The following ARHGAP8 variants were observed in gnomAD, a reference collection of about 807,000 sequenced individuals.
The protein encoded by ARHGAP8 is Rho GTPase activating protein 8, also known as rho GTPase-activating protein 8.
A neutral mutation model predicts 46.1 loss-of-function variants in ARHGAP8; 62 were observed. That is an observed-to-expected ratio of 1.34 (90% confidence interval 1.10 to 1.66). The LOEUF (loss-of-function observed/expected upper bound fraction) is 1.66, where lower values mean the gene tolerates loss of function less well. Among genes scored for constraint, ARHGAP8 ranks in the 40% most tolerant of loss-of-function variants. The probability of loss-of-function intolerance (pLI) is 0.00; values close to 1 mark genes in which losing one functional copy is unlikely to be tolerated. For synonymous variants in ARHGAP8, 375 were observed against 243.1 expected (o/e 1.54, Z -5.05); for missense variants, 923 against 568.4 (o/e 1.62, Z -6.34).
At chr22:44,788,057 A>G (rs1284986436) in intron 2 of ARHGAP8, among the ~76,000 whole-genome samples, 4 of 149,160 alleles carry the variant, frequency 2.7e-5, no homozygotes, top group Non-Finnish European at 5.9e-5. Flanking sequence ...CAGGAAATAT[A>G]TATTTTTAAT....
At position 44,791,281 on chromosome 22, in the gene ARHGAP8, G is replaced by C. The variant is rs530336770; in HGVS notation, c.79+4675G>C. Among the ~76,000 whole-genome samples, 3 of 152,292 alleles carry C rather than the reference G, an allele frequency of 2.0e-5. No individual in the cohort carries two copies. The South Asian group carries it at 6.2e-4, about 32-fold the overall frequency. On this transcript the variant is annotated intron_variant, in intron 2 of 11. Transcript: ENST00000356099. ...TGTGTGCTCCTCCCGGGGAGTATAT[G>C]AAGTTGTCAGAGTCGACACTTGAGC...
chr22:44,759,893 A>G (rs1381769422), intron 1 of ARHGAP8, among the ~76,000 whole-genome samples: 4 of 152,196 alleles, frequency 2.6e-5, no homozygotes, highest in Non-Finnish European at 4.4e-5. Flanking sequence ...GCGCACCCGA[A>G]TGATCACCTG....
intron 6 of ARHGAP8, 41 bp from the exon 7 acceptor site, chr22:44,825,442 G>C (rs1336564922): frequency 6.3e-7 from 1 of 1,582,334 alleles, no homozygotes; most frequent in Admixed American, 1.8e-5. Flanking sequence ...GCTGCCAGCT[G>C]CCCCTGCCAG....
At chr22:44,808,484 G>A in intron 4 of ARHGAP8, 46 bp downstream of exon 4, 1 of 1,602,966 alleles carries the variant, frequency 6.2e-7, no homozygotes, top group Non-Finnish European at 8.5e-7. Flanking sequence ...GGCTGCTTGT[G>A]GCAGGAGGAG....
At chr22:44,806,475 G>A (rs1294374401) in intron 3 of ARHGAP8, among the ~76,000 whole-genome samples, 1 of 152,194 alleles carries the variant, frequency 6.6e-6, no homozygotes, top group African/African-American at 2.4e-5. Context: ...CTGGAGCCAG[G>A]CCACTTGGTT....
At chr22:44,828,206 A>G (rs1280507736) in intron 7 of ARHGAP8, among the ~76,000 whole-genome samples, 1 of 152,138 alleles carries the variant, frequency 6.6e-6, no homozygotes, top group Non-Finnish European at 1.5e-5. Context: ...GTTCACCCCA[A>G]ATATATCTGG....
chr22:44,848,929 C>T lies in ARHGAP8; in HGVS notation c.749-3C>T, dbSNP rs1399244318. The T allele has an allele frequency of 1.2e-6, 2 of 1,613,918 alleles. No homozygotes were observed. Among genetic ancestry groups the T allele is most frequent in the African/African-American group, 1.3e-5 (1 of 74,922 alleles). On this transcript the variant is annotated splice_polypyrimidine_tract_variant and splice_region_variant and intron_variant, in intron 9 of 11. Coordinates refer to ENST00000356099, the MANE Select transcript of ARHGAP8 (RefSeq NM_181335.3). Reference sequence around the variant, plus strand: ...CCTCAGCAGTGCTGTGTTGTGTGTGCAGGGAAGCCCGTGAACTTTGACGAC... The same window carrying T: ...CCTCAGCAGTGCTGTGTTGTGTGTGTAGGGAAGCCCGTGAACTTTGACGAC...
intron 1 of ARHGAP8, among the ~76,000 whole-genome samples, chr22:44,754,077 AGCCAGCTGCCTGGTCCCTG>A (rs1924469571): frequency 6.6e-6 from 1 of 152,206 alleles, no homozygotes; most frequent in South Asian, 2.1e-4. Flanking sequence ...TCTTGTGGAC[AGCCAGCTGCCTGGTCCCTG>A]CCCTCAGGGG....
intron 2 of ARHGAP8, among the ~76,000 whole-genome samples, chr22:44,801,588 C>T (rs5765026): frequency 0.41 from 62,781 of 152,144 alleles, 13,103 homozygotes; most frequent in South Asian, 0.54. Context: ...CCATAATGGA[C>T]GGCAGGGCTG....
intron 2 of ARHGAP8, among the ~76,000 whole-genome samples, chr22:44,797,389 T>C (rs1438794122): frequency 6.6e-6 from 1 of 152,114 alleles, no homozygotes; most frequent in Non-Finnish European, 1.5e-5. Flanking sequence ...GGGTCAGCCA[T>C]GGAACCCTGG....
At chr22:44,854,456 C>T (rs2070173044) in intron 10 of ARHGAP8, among the ~76,000 whole-genome samples, 1 of 151,828 alleles carries the variant, frequency 6.6e-6, no homozygotes, top group African/African-American at 2.4e-5. Flanking sequence ...TAGTCTTGAA[C>T]TCCTGACCTC....
At chr22:44,858,266 C>T (rs893715570) in intron 10 of ARHGAP8, among the ~76,000 whole-genome samples, 6 of 152,182 alleles carry the variant, frequency 3.9e-5, no homozygotes, top group South Asian at 2.1e-4. Context: ...GATGTGGGTA[C>T]ACAGTAGCAT....
At chr22:44,808,721 T>C (rs1376206144) in intron 4 of ARHGAP8, 2 of 573,492 alleles carry the variant, frequency 3.5e-6, no homozygotes, top group African/African-American at 3.8e-5. Context: ...CCCAGTACTT[T>C]GGGAGGCCAA....
At chr22:44,838,058 C>T (rs1193255047) in intron 7 of ARHGAP8, among the ~76,000 whole-genome samples, 1 of 152,244 alleles carries the variant, frequency 6.6e-6, no homozygotes, top group South Asian at 2.1e-4. Context: ...GCTGCAGCCT[C>T]CACCTCCCGG....
chr22:44,815,954 C>T (rs1020537303), intron 5 of ARHGAP8, among the ~76,000 whole-genome samples: 2 of 152,066 alleles, frequency 1.3e-5, no homozygotes, highest in Admixed American at 6.6e-5. Flanking sequence ...AGCAGGAGGG[C>T]GCAGGTGTGC....
intron 4 of ARHGAP8, among the ~76,000 whole-genome samples, chr22:44,813,710 T>TAC (rs1174354524): frequency 6.7e-6 from 1 of 148,394 alleles, no homozygotes; most frequent in Non-Finnish European, 1.5e-5. Flanking sequence ...TAGGTACACC[T>TAC]ACACACACTT....
intron 3 of ARHGAP8, among the ~76,000 whole-genome samples, chr22:44,802,787 C>G (rs911608683): frequency 3.3e-5 from 5 of 152,170 alleles, no homozygotes; most frequent in African/African-American, 1.2e-4. Context: ...CTGCCTCGGT[C>G]TTCACATGGC....
intron 5 of ARHGAP8, among the ~76,000 whole-genome samples, chr22:44,818,537 C>T (rs1023605692): frequency 1.3e-5 from 2 of 152,174 alleles, no homozygotes; most frequent in African/African-American, 2.4e-5. Context: ...CTCGACTGCT[C>T]TGCCCCTTGC....
chr22:44,826,977 C>G (rs573484773), intron 7 of ARHGAP8, among the ~76,000 whole-genome samples: 5 of 152,286 alleles, frequency 3.3e-5, no homozygotes, highest in Admixed American at 3.3e-4. Flanking sequence ...AGTCCATGCC[C>G]TCATTCCCAG....
Sources: allele counts gnomAD v4.1 joint callset (sites outside exome capture counted in the v4.1 genomes callset), GRCh38; gene constraint gnomAD v4.1.1; transcripts MANE v1.5; gene names NCBI Gene and HGNC (gene_info 2026-07-23, HGNC 2026-07-21).